The following MYO3A variants were observed in gnomAD, a reference collection of about 807,000 sequenced individuals.
MYO3A encodes myosin IIIA, also known as myosin-IIIa.
Under a neutral mutation model 192.7 loss-of-function variants are expected in MYO3A, and 180 were observed. The ratio of observed to expected loss-of-function variants is 0.93; its 90% CI spans 0.83 to 1.06. The LOEUF (loss-of-function observed/expected upper bound fraction) is 1.06. Among genes scored for constraint, MYO3A ranks in the 50% least tolerant of loss-of-function variants. The pLI is 0.00. For synonymous variants in MYO3A, 628 were observed against 645.3 expected, an observed-to-expected ratio of 0.97 and a Z score of 0.41; for missense variants, 1,896 against 1,905.0, an observed-to-expected ratio of 1.00 and a Z score of 0.09.
At chr10:26,042,555 C>T (rs1438327260) in intron 10 of MYO3A, among the ~76,000 whole-genome samples, 2 of 152,120 alleles carry the variant, frequency 1.3e-5, no homozygotes, top group Non-Finnish European at 2.9e-5. Context: ...TCCTCAAGCT[C>T]ACTAATTCTT....
At chr10:26,121,283 T>G (rs1838844485) in intron 18 of MYO3A, among the ~76,000 whole-genome samples, 1 of 151,916 alleles carries the variant, frequency 6.6e-6, no homozygotes, top group Admixed American at 6.6e-5. Context: ...AATCAAGTTT[T>G]TCTTAATAGT....
chr10:25,991,591 G>A lies in MYO3A; in HGVS notation c.304-4899G>A, dbSNP rs550758726. Among the ~76,000 whole-genome samples, 527 of 152,270 alleles carry A rather than the reference G, an allele frequency of 3.5e-3. 5 individuals carry two copies. The highest frequency in any genetic ancestry group is 5.9e-3 in the Non-Finnish European group (399 of 68,014). The stretch of plus-strand genomic sequence containing the variant: ...TTTTAGACATGAAGTCCTTGCCCAT[G>A]CCTATGTCCTGAATGGTAATGCCTA... On this transcript the variant is annotated intron_variant, in intron 4 of 34. Transcript: ENST00000642920.
At chr10:25,947,383 CTTTTTCTTTTTTTT>C (rs1836913892) in intron 2 of MYO3A, among the ~76,000 whole-genome samples, 1 of 121,254 alleles carries the variant, frequency 8.2e-6, no homozygotes, top group Non-Finnish European at 1.7e-5. Flanking sequence ...TATTTCTTTT[CTTTTTCTTTTTTTT>C]TTTTTTTTTT....
chr10:25,965,761 T>G (rs1014099384), intron 4 of MYO3A, among the ~76,000 whole-genome samples: 4 of 152,074 alleles, frequency 2.6e-5, no homozygotes, highest in African/African-American at 9.7e-5. Flanking sequence ...AGGCTGAGTT[T>G]AAATGCTCCC....
intron 31 of MYO3A, among the ~76,000 whole-genome samples, chr10:26,178,044 G>C (rs932193618): frequency 6.6e-6 from 1 of 152,238 alleles, no homozygotes; most frequent in Non-Finnish European, 1.5e-5. Context: ...GAAGAAGAGA[G>C]ACTAGCAAGT....
chr10:26,158,697 A>ATTT (rs1474691418), intron 26 of MYO3A, among the ~76,000 whole-genome samples: 10 of 151,924 alleles, frequency 6.6e-5, no homozygotes, highest in Non-Finnish European at 1.5e-4. Flanking sequence ...TATTTTTTAT[A>ATTT]TTTTTTCAGT....
intron 2 of MYO3A, among the ~76,000 whole-genome samples, chr10:25,940,959 A>G (rs1421087895): frequency 3.3e-5 from 5 of 152,120 alleles, no homozygotes; most frequent in Non-Finnish European, 1.5e-5. Context: ...CCTTTCAACT[A>G]TTTTGGAAAC....
chr10:26,114,986 T>C (rs570033266), intron 17 of MYO3A, among the ~76,000 whole-genome samples: 2 of 152,188 alleles, frequency 1.3e-5, no homozygotes, highest in East Asian at 3.9e-4. Flanking sequence ...CAAAATAACA[T>C]GGAATGCTTG....
rs1454209264 is a variant in MYO3A, at chr10:25,957,483, T to C, written c.303+2475T>C. On this transcript the variant is annotated intron_variant, in intron 4 of 34. Transcript: ENST00000642920. Reference sequence around the variant, plus strand: ...TATGTCTTTATCAGCAGTGTGAAAATGGACTAATACAGGCATGTAGGTTGA... The same window carrying C: ...TATGTCTTTATCAGCAGTGTGAAAACGGACTAATACAGGCATGTAGGTTGA... Among the ~76,000 whole-genome samples, 4 of 152,246 alleles carry C rather than the reference T, an allele frequency of 2.6e-5. No individual in the cohort carries two copies. In the East Asian group the frequency reaches 7.7e-4, roughly 29 times the overall value.
chr10:25,998,960 C>T (rs147576903), intron 6 of MYO3A, among the ~76,000 whole-genome samples: 4,611 of 152,208 alleles, frequency 0.03, 221 homozygotes, highest in African/African-American at 0.1. Context: ...TGCAGTGGCA[C>T]GATCTCGGCT....
At chr10:26,174,697 G>A (rs1357213639) in intron 30 of MYO3A, 140 bp downstream of exon 30, 4 of 747,006 alleles carry the variant, frequency 5.4e-6, no homozygotes, top group South Asian at 3.7e-5. Context: ...AAATGTCTCA[G>A]GGATTGTGCT....
intron 4 of MYO3A, 144 bp downstream of exon 4, chr10:25,955,152 G>T: frequency 8.3e-7 from 1 of 1,209,558 alleles, no homozygotes; most frequent in Non-Finnish European, 1.2e-6. Context: ...CCTAGTTTTG[G>T]CCTTGCCTTC....
intron 4 of MYO3A, among the ~76,000 whole-genome samples, chr10:25,985,388 G>GAAACAAAC (rs142523210): frequency 1.3e-5 from 2 of 151,612 alleles, no homozygotes; most frequent in African/African-American, 4.9e-5. Context: ...AAATGGAATT[G>GAAACAAAC]AAACAAACAA....
chr10:26,187,960 A>G (rs1030033949), intron 31 of MYO3A, among the ~76,000 whole-genome samples: 2 of 152,136 alleles, frequency 1.3e-5, no homozygotes, highest in Admixed American at 1.3e-4. Flanking sequence ...ATATGTGTGC[A>G]TGTGTCTTTA....
intron 4 of MYO3A, among the ~76,000 whole-genome samples, chr10:25,961,581 TA>T (rs1202338221): frequency 6.6e-6 from 1 of 152,144 alleles, no homozygotes; most frequent in Non-Finnish European, 1.5e-5. Context: ...AGAATAAATT[TA>T]GTTTAATAAA....
chr10:26,005,313 TA>T (rs111466507), intron 6 of MYO3A, among the ~76,000 whole-genome samples: 24 of 151,462 alleles, frequency 1.6e-4, no homozygotes, highest in Admixed American at 7.2e-4. Context: ...CCTGAAATCT[TA>T]AAAAAAAATG....
At chr10:25,934,504 C>T (rs938100215) in intron 1 of MYO3A, among the ~76,000 whole-genome samples, 176 bp downstream of exon 1, 7 of 152,122 alleles carry the variant, frequency 4.6e-5, no homozygotes, top group Non-Finnish European at 8.8e-5. Context: ...TCCGGAGGAC[C>T]TGTGTGTTTG....
intron 18 of MYO3A, among the ~76,000 whole-genome samples, chr10:26,123,261 G>A (rs1402438): frequency 0.5 from 75,639 of 151,874 alleles, 19,378 homozygotes; most frequent in Middle Eastern, 0.59. Context: ...AAAAAAGAAA[G>A]CATAAATAAA....
At chr10:26,082,097 C>A (rs1461824608) in intron 14 of MYO3A, among the ~76,000 whole-genome samples, 1 of 152,288 alleles carries the variant, frequency 6.6e-6, no homozygotes, top group African/African-American at 2.4e-5. Flanking sequence ...TGATGATTGA[C>A]CCTTCCTGGG....
Sources: gnomAD v4.1 joint callset for allele counts (sites outside exome capture counted in the v4.1 genomes callset) on GRCh38, gnomAD v4.1.1 for gene constraint, MANE v1.5 for transcripts, NCBI Gene and HGNC (gene_info 2026-07-23, HGNC 2026-07-21) for gene names.